RIMS2: variants seen among roughly 807,000 people sequenced by gnomAD.
RIMS2 encodes the protein regulating synaptic membrane exocytosis 2.
A neutral mutation model predicts 174.4 loss-of-function variants in RIMS2; 59 were observed. The observed-to-expected ratio is 0.34, with a 90% CI of 0.27 to 0.42. The LOEUF is 0.42. Among genes scored for constraint, RIMS2 ranks in the 10% least tolerant of loss-of-function variants. The pLI is 1.00. For missense variants in RIMS2, 1,620 were observed against 1,666.3 expected (o/e 0.97, Z 0.48); for synonymous variants, 606 against 572.5 (o/e 1.06, Z -0.84).
In RIMS2 at chr8:104,244,789, G is replaced by T. The variant is rs574098505; in HGVS notation, c.3335-127G>T. 82 of 683,146 alleles carry T rather than the reference G, an allele frequency of 1.2e-4. 1 individual carries two copies. In the South Asian group the frequency reaches 1.5e-3, roughly 12 times the overall value. 42.3% of individuals were successfully genotyped at this position (683,146 alleles called of 1,614,324 possible). On this transcript the variant is annotated intron_variant, in intron 19 of 23. Coordinates refer to ENST00000504942, the Ensembl canonical transcript of RIMS2. ...ATTGTTTTAAATACCTTTTCTTTCT[G>T]CCTCCTTAACAAGAGCACTTTTTAT...
chr8:104,147,098 C>G (rs937938260), intron 19 of RIMS2, among the ~76,000 whole-genome samples: 1 of 150,386 alleles, frequency 6.6e-6, no homozygotes, highest in Non-Finnish European at 1.5e-5. Context: ...TAAACGATAA[C>G]AAGCCTTTTC....
At chr8:103,977,993 A>G (rs2093593185) in intron 16 of RIMS2, among the ~76,000 whole-genome samples, 1 of 152,140 alleles carries the variant, frequency 6.6e-6, no homozygotes, top group Non-Finnish European at 1.5e-5. Context: ...CAGCCCTGTA[A>G]TCACCTGGTC....
intron 3 of RIMS2, among the ~76,000 whole-genome samples, chr8:103,868,611 T>C (rs2099094908): frequency 6.6e-6 from 1 of 152,132 alleles, no homozygotes; most frequent in African/African-American, 2.4e-5. Flanking sequence ...AAAACAAGTT[T>C]GGTTAAATTT....
At chr8:104,053,905 T>C (rs1321886962) in intron 19 of RIMS2, among the ~76,000 whole-genome samples, 1 of 151,924 alleles carries the variant, frequency 6.6e-6, no homozygotes, top group African/African-American at 2.4e-5. Flanking sequence ...GAGAGACCAA[T>C]ACTAGAGGTC....
chr8:103,624,935 G>C (rs1036320998), intron 1 of RIMS2, among the ~76,000 whole-genome samples: 2 of 151,870 alleles, frequency 1.3e-5, no homozygotes, highest in Non-Finnish European at 2.9e-5. Flanking sequence ...GCCCCTTTTT[G>C]GCAGAAGAAT....
chr8:104,126,106 C>T (rs999754135), intron 19 of RIMS2, among the ~76,000 whole-genome samples: 1 of 152,092 alleles, frequency 6.6e-6, no homozygotes, highest in Non-Finnish European at 1.5e-5. Flanking sequence ...CACCAGGGAC[C>T]AGTTTCATGG....
chr8:103,819,280 G>A (rs1427916662), intron 3 of RIMS2: 5 of 1,348,862 alleles, frequency 3.7e-6, no homozygotes. Flanking sequence ...CTACAGTCAG[G>A]AGAAAGCCGA....
chr8:103,978,227 A>G (rs761920134), intron 16 of RIMS2, among the ~76,000 whole-genome samples: 3 of 152,220 alleles, frequency 2.0e-5, no homozygotes, highest in African/African-American at 7.2e-5. Flanking sequence ...GAACAGTCCA[A>G]TAGAAGATAG....
intron 1 of RIMS2, among the ~76,000 whole-genome samples, chr8:103,607,015 T>C (rs1190041739): frequency 6.6e-6 from 1 of 152,090 alleles, no homozygotes; most frequent in Non-Finnish European, 1.5e-5. Flanking sequence ...AAAGTTAATA[T>C]TGTTATGTGT....
chr8:104,116,229 C>T (rs979533574), intron 19 of RIMS2, among the ~76,000 whole-genome samples: 1 of 152,090 alleles, frequency 6.6e-6, no homozygotes, highest in Non-Finnish European at 1.5e-5. Context: ...AAATTAAACT[C>T]TGACTCTGCC....
At chr8:103,802,047 A>G (rs1412881181) in intron 3 of RIMS2, among the ~76,000 whole-genome samples, 1 of 152,196 alleles carries the variant, frequency 6.6e-6, no homozygotes, top group Non-Finnish European at 1.5e-5. Flanking sequence ...TTACAATCAA[A>G]GAAAAGCTAG....
intron 2 of RIMS2, among the ~76,000 whole-genome samples, chr8:103,751,357 T>G (rs2139734905): frequency 6.6e-6 from 1 of 151,980 alleles, no homozygotes; most frequent in East Asian, 2.0e-4. Flanking sequence ...TGTTGGACAT[T>G]TGGGTTGGTT....
chr8:103,832,884 C>T (rs1332894183), intron 3 of RIMS2, among the ~76,000 whole-genome samples: 1 of 152,110 alleles, frequency 6.6e-6, no homozygotes, highest in Non-Finnish European at 1.5e-5. Flanking sequence ...TTTAAGCAGT[C>T]TTATGTATTT....
chr8:103,713,825 T>C (rs2097337296), intron 2 of RIMS2, among the ~76,000 whole-genome samples: 1 of 152,224 alleles, frequency 6.6e-6, no homozygotes, highest in African/African-American at 2.4e-5. Flanking sequence ...TGCCTAACTC[T>C]AGGCATGAGC....
At chr8:104,199,639 C>G (rs1490481361) in intron 19 of RIMS2, among the ~76,000 whole-genome samples, 3 of 152,152 alleles carry the variant, frequency 2.0e-5, no homozygotes, top group Admixed American at 2.0e-4. Flanking sequence ...GGAAGGCATG[C>G]CTGTGGTTCA....
chr8:104,184,692 T>C (rs960038439), intron 19 of RIMS2, among the ~76,000 whole-genome samples: 1 of 151,502 alleles, frequency 6.6e-6, no homozygotes, highest in Admixed American at 6.6e-5. Context: ...TTTTGTTTTG[T>C]TTTGTTTTAA....
At chr8:103,732,727 G>A (rs1354492465) in intron 2 of RIMS2, among the ~76,000 whole-genome samples, 2 of 152,040 alleles carry the variant, frequency 1.3e-5, no homozygotes, top group African/African-American at 4.8e-5. Context: ...CCACCACCGC[G>A]GACCTATGGC....
chr8:103,627,156 C>T (rs1481086143), intron 1 of RIMS2, among the ~76,000 whole-genome samples: 1 of 152,066 alleles, frequency 6.6e-6, no homozygotes, highest in Non-Finnish European at 1.5e-5. Context: ...GCATTCCTTC[C>T]CCAGGGTTTC....
chr8:103,717,704 AT>A, intron 2 of RIMS2, among the ~76,000 whole-genome samples: 2 of 152,238 alleles, frequency 1.3e-5, no homozygotes, highest in African/African-American at 4.8e-5. Flanking sequence ...TTCAAACTAA[AT>A]ATTGACTACA....
Sources: gnomAD v4.1 joint callset for allele counts (sites outside exome capture counted in the v4.1 genomes callset) on GRCh38, gnomAD v4.1.1 for gene constraint, MANE v1.5 for transcripts, NCBI Gene and HGNC (gene_info 2026-07-23, HGNC 2026-07-21) for gene names.